The following TSPAN2 variants were observed in gnomAD, a reference collection of about 807,000 sequenced individuals.
TSPAN2 encodes tetraspanin 2, also known as tetraspanin-2.
In TSPAN2, 24 loss-of-function variants were observed where a neutral mutation model predicts 33.3. The ratio of observed to expected loss-of-function variants is 0.72; its 90% CI spans 0.52 to 1.01. The LOEUF is 1.01. TSPAN2 is among the 50% of genes least tolerant of loss of function. The pLI is 0.00. For missense variants in TSPAN2, 278 were observed against 281.3 expected, an observed-to-expected ratio of 0.99 and a Z score of 0.08; for synonymous variants, 114 against 104.5, an observed-to-expected ratio of 1.09 and a Z score of -0.56.
intron 1 of TSPAN2, among the ~76,000 whole-genome samples, chr1:115,088,236 C>A (rs1004848610): frequency 6.6e-6 from 1 of 152,124 alleles, no homozygotes; most frequent in African/African-American, 2.4e-5. Context: ...GATTGACAGA[C>A]AAAAGAGGAG....
At chr1:115,063,920 T>C (rs1420173187) in intron 2 of TSPAN2, among the ~76,000 whole-genome samples, 3 of 152,086 alleles carry the variant, frequency 2.0e-5, no homozygotes, top group Non-Finnish European at 2.9e-5. Context: ...GCACAGGTGT[T>C]GAAAAACTAA....
intron 6 of TSPAN2, 103 bp downstream of exon 6, chr1:115,057,434 A>C: frequency 8.8e-7 from 1 of 1,138,714 alleles, no homozygotes. Flanking sequence ...CACTAGAGCA[A>C]ATTCAGTAAA....
intron 4 of TSPAN2, among the ~76,000 whole-genome samples, chr1:115,059,643 G>T (rs1045600918): frequency 2.0e-5 from 3 of 152,194 alleles, no homozygotes; most frequent in Non-Finnish European, 4.4e-5. Flanking sequence ...CTTAGAGAAT[G>T]CTTTTTCTAG....
chr1:115,062,621 C>G (rs983527441), intron 2 of TSPAN2, among the ~76,000 whole-genome samples: 1 of 152,200 alleles, frequency 6.6e-6, no homozygotes, highest in African/African-American at 2.4e-5. Flanking sequence ...GAACTAAAGC[C>G]AAGCCTTTTT....
chr1:115,086,994 A>G (rs1648860618), intron 1 of TSPAN2, among the ~76,000 whole-genome samples: 1 of 152,022 alleles, frequency 6.6e-6, no homozygotes, highest in Non-Finnish European at 1.5e-5. Context: ...ATCTCAGCTC[A>G]CTGCAACCTC....
intron 7 of TSPAN2, among the ~76,000 whole-genome samples, chr1:115,052,313 TCCCACAG>T (rs1675336913): frequency 6.6e-6 from 1 of 152,144 alleles, no homozygotes. Context: ...TCCTCACAAT[TCCCACAG>T]CCCTTGCCTT....
intron 1 of TSPAN2, 69 bp from the exon 2 acceptor site, chr1:115,073,076 C>G: frequency 7.4e-7 from 1 of 1,348,782 alleles, no homozygotes; most frequent in East Asian, 2.3e-5. Flanking sequence ...AGAGCAGGCT[C>G]TAGGCACAGG....
At chr1:115,061,318 C>T (rs1647709618) in intron 3 of TSPAN2, among the ~76,000 whole-genome samples, 1 of 152,138 alleles carries the variant, frequency 6.6e-6, no homozygotes, top group South Asian at 2.1e-4. Flanking sequence ...TCCTCCTGCC[C>T]CTCTTCTTCC....
At chr1:115,062,817 G>A (rs1468145414) in intron 2 of TSPAN2, among the ~76,000 whole-genome samples, 1 of 152,194 alleles carries the variant, frequency 6.6e-6, no homozygotes, top group Admixed American at 6.5e-5. Flanking sequence ...GGAACCCCTG[G>A]GCCTGGCATT....
At chr1:115,062,915 G>A (rs989462039) in intron 2 of TSPAN2, among the ~76,000 whole-genome samples, 1 of 152,162 alleles carries the variant, frequency 6.6e-6, no homozygotes, top group African/African-American at 2.4e-5. Context: ...AGCCACAGGC[G>A]AGGCTGCTCT....
chr1:115,077,375 T>C (rs1412884963), intron 1 of TSPAN2, among the ~76,000 whole-genome samples: 1 of 151,856 alleles, frequency 6.6e-6, no homozygotes, highest in Admixed American at 6.6e-5. Context: ...AAGGAATAGA[T>C]AGTGACAATA....
rs1167463378 is a variant in TSPAN2 at position 115,066,572 on chromosome 1, G to GTTT, written c.173-4341_173-4340insAAA. 2.0e-5 allele frequency among the ~76,000 whole-genome samples: 3 copies of GTTT among 152,274 alleles called. No homozygotes were observed. The East Asian group carries it at 5.8e-4, about 29-fold the overall frequency. ...AGAGAACCTCCTAACGGCCTACTGGGATAAACTCACTTAAAAATGTGGTTC... is the reference window on the plus strand; with the variant it reads ...AGAGAACCTCCTAACGGCCTACTGGGTTTATAAACTCACTTAAAAATGTGGTTC... On this transcript the variant is annotated intron_variant, in intron 2 of 7. Coordinates refer to ENST00000369516, the MANE Select transcript of TSPAN2 (RefSeq NM_005725.6).
At chr1:115,076,104 A>G (rs1165999192) in intron 1 of TSPAN2, among the ~76,000 whole-genome samples, 1 of 152,200 alleles carries the variant, frequency 6.6e-6, no homozygotes, top group Non-Finnish European at 1.5e-5. Context: ...AAGGGATTGG[A>G]GCAAACTGTA....
At chr1:115,054,752 C>T (rs903019555) in intron 6 of TSPAN2, among the ~76,000 whole-genome samples, 2 of 152,078 alleles carry the variant, frequency 1.3e-5, no homozygotes, top group Admixed American at 6.6e-5. Flanking sequence ...CTTGGGAGGC[C>T]GAGATGCGTG....
chr1:115,075,067 C>G (rs962366016), intron 1 of TSPAN2, among the ~76,000 whole-genome samples: 8 of 152,096 alleles, frequency 5.3e-5, no homozygotes, highest in African/African-American at 1.4e-4. Flanking sequence ...GTGACTGGTC[C>G]CAGGGACACC....
chr1:115,074,003 G>T (rs942369456), intron 1 of TSPAN2, among the ~76,000 whole-genome samples: 2 of 152,114 alleles, frequency 1.3e-5, no homozygotes, highest in African/African-American at 4.8e-5. Context: ...GACACCTTCT[G>T]GGCCCAGGGC....
At chr1:115,059,039 C>G (rs1431028738) in intron 4 of TSPAN2, 58 bp from the exon 5 acceptor site, 2 of 1,332,982 alleles carry the variant, frequency 1.5e-6, no homozygotes, top group Non-Finnish European at 2.2e-6. Context: ...AAACATTCTC[C>G]TTTCATCAAG....
chr1:115,057,426 C>G, intron 6 of TSPAN2, 111 bp downstream of exon 6: 9 of 1,051,022 alleles, frequency 8.6e-6, no homozygotes, highest in Non-Finnish European at 1.3e-5. Context: ...TATGCTGCCA[C>G]TAGAGCAAAT....
intron 2 of TSPAN2, among the ~76,000 whole-genome samples, chr1:115,066,089 T>C (rs1453071883): frequency 6.6e-6 from 1 of 152,224 alleles, no homozygotes; most frequent in Non-Finnish European, 1.5e-5. Flanking sequence ...TCTTTCTTTT[T>C]ATGGCTGAGT....
Sources: gnomAD v4.1 joint callset for allele counts (sites outside exome capture counted in the v4.1 genomes callset) on GRCh38, gnomAD v4.1.1 for gene constraint, MANE v1.5 for transcripts, NCBI Gene and HGNC (gene_info 2026-07-23, HGNC 2026-07-21) for gene names.